The following GALNT18 variants were observed in gnomAD, a reference collection of about 807,000 sequenced individuals.
The protein encoded by GALNT18 is polypeptide N-acetylgalactosaminyltransferase 18.
GALNT18 carries 44 observed loss-of-function variants against 69.5 expected under a neutral mutation model. The ratio of observed to expected loss-of-function variants is 0.63; its 90% CI spans 0.50 to 0.81. GALNT18 has a LOEUF of 0.81. Ranked by LOEUF, GALNT18 falls within the 40% of genes least tolerant of loss-of-function variation. The pLI is 0.00. For missense variants in GALNT18, 715 were observed against 810.0 expected (o/e 0.88, Z 1.42); for synonymous variants, 364 against 318.2 (o/e 1.14, Z -1.53).
intron 1 of GALNT18, among the ~76,000 whole-genome samples, chr11:11,466,174 T>G (rs1443027790): frequency 6.6e-6 from 1 of 152,256 alleles, no homozygotes; most frequent in African/African-American, 2.4e-5. Context: ...GAAGGAATGC[T>G]GTTCATGACC....
Position 11,613,143 on chromosome 11 carries a change from T to C in GALNT18, c.235+8216A>G, listed in dbSNP as rs1859954597. 6.6e-6 allele frequency among the ~76,000 whole-genome samples: 1 copy of C among 152,220 alleles called. No homozygotes were observed. The highest frequency in any genetic ancestry group is 2.1e-4 in the South Asian group (1 of 4,832). On this transcript the variant is annotated intron_variant, in intron 1 of 10. Coordinates refer to ENST00000227756, the MANE Select transcript of GALNT18 (RefSeq NM_198516.3). This position sits in a 1 kb window ranked among gnomAD's most constrained non-coding sequence, Gnocchi z 4.2. ...CACTGGGACGAACTGTCTAGCAACA[T>C]ATTTTAATCCATAATCGTGTAGTCA...
rs1380316216 is a variant in GALNT18 at position 11,415,108 on chromosome 11, C to T, written c.595+17513G>A. Among the ~76,000 whole-genome samples, 1 of 152,226 alleles carries T rather than the reference C, an allele frequency of 6.6e-6. No homozygotes were observed. Among genetic ancestry groups the T allele is most frequent in the Non-Finnish European group, 1.5e-5 (1 of 68,042 alleles). ...TCCTTGCCGCATGGACAGTTCACAG[C>T]ATGGGTCTCTTCTCAGGCCACCAGA... On this transcript the variant is annotated intron_variant, in intron 3 of 10. Transcript: ENST00000227756. The surrounding 1 kb of genome is among the most constrained non-coding windows in gnomAD (Gnocchi z 4.1).
chr11:11,353,587 T>A (rs1227144598), intron 6 of GALNT18, among the ~76,000 whole-genome samples: 3 of 152,196 alleles, frequency 2.0e-5, no homozygotes, highest in Admixed American at 2.0e-4. Flanking sequence ...CTCTAATCAG[T>A]GGCTGTTTCT....
At position 11,379,169 on chromosome 11, in the gene GALNT18, G is replaced by C; in HGVS notation, c.691C>G (p.Leu231Val). The C allele has an allele frequency of 6.2e-7, 1 of 1,612,408 alleles. No homozygotes were observed. Among genetic ancestry groups the C allele is most frequent in the Non-Finnish European group, 8.5e-7 (1 of 1,180,018 alleles). The change falls in exon 4 of 11, where the codon CTC becomes GTC. Residue 231 changes from leucine (L) to valine (V), a missense_variant. By Grantham distance (32) the Leu-to-Val change is conservative (BLOSUM62 1). Coordinates refer to ENST00000227756, the MANE Select transcript of GALNT18 (RefSeq NM_198516.3). ...CAGCCACTGACCCTGGAGCGGATGA[G>C]GCCTTCCTGCTTGCTGTGACGCACG... ...KVVRHSKQEGLIRSRVSGWRA... is the reference protein window; with the variant it reads ...KVVRHSKQEGVIRSRVSGWRA...
chr11:11,278,512 A>T (rs920931163), intron 10 of GALNT18, among the ~76,000 whole-genome samples: 23 of 149,560 alleles, frequency 1.5e-4, no homozygotes, highest in East Asian at 3.9e-4. Flanking sequence ...TTATAGTATA[A>T]AAAAAAAAGG....
intron 1 of GALNT18, among the ~76,000 whole-genome samples, chr11:11,482,591 T>C (rs890176254): frequency 6.6e-6 from 1 of 152,170 alleles, no homozygotes; most frequent in African/African-American, 2.4e-5. Flanking sequence ...CCAGCTTGGA[T>C]TCCCATACAC....
intron 6 of GALNT18, among the ~76,000 whole-genome samples, chr11:11,360,066 A>C (rs1289203197): frequency 6.6e-6 from 1 of 152,192 alleles, no homozygotes; most frequent in Non-Finnish European, 1.5e-5. Flanking sequence ...CATATATATT[A>C]AGACCACATA....
At chr11:11,460,747 C>T (rs909473037) in intron 1 of GALNT18, among the ~76,000 whole-genome samples, 6 of 150,470 alleles carry the variant, frequency 4.0e-5, no homozygotes, top group Non-Finnish European at 7.4e-5. Flanking sequence ...CTTTGGACTT[C>T]GGTGTTGGTA....
chr11:11,423,052 A>G (rs1359637959), intron 3 of GALNT18, among the ~76,000 whole-genome samples: 1 of 152,168 alleles, frequency 6.6e-6, no homozygotes, highest in East Asian at 1.9e-4. Flanking sequence ...CTGCTTATGC[A>G]TGCACACTAC....
chr11:11,436,452 T>C lies in GALNT18; in HGVS notation c.429-3665A>G, dbSNP rs1440700853. 2.0e-5 allele frequency among the ~76,000 whole-genome samples: 3 copies of C among 151,932 alleles called. No homozygotes were observed. The highest frequency in any genetic ancestry group is 1.9e-4 in the East Asian group (1 of 5,146). On this transcript the variant is annotated intron_variant, in intron 2 of 10. Coordinates refer to ENST00000227756, the MANE Select transcript of GALNT18 (RefSeq NM_198516.3). This position sits in a 1 kb window ranked among gnomAD's most constrained non-coding sequence, Gnocchi z 4.5. Reference sequence around the variant, plus strand: ...TTCCCAGTTTCAGCACTGAAAGTCCTAGGCACACCAGGTCAGGCGGTCCCC... The same window carrying C: ...TTCCCAGTTTCAGCACTGAAAGTCCCAGGCACACCAGGTCAGGCGGTCCCC...
At chr11:11,395,516 A>C (rs554431134) in intron 3 of GALNT18, among the ~76,000 whole-genome samples, 1 of 152,336 alleles carries the variant, frequency 6.6e-6, no homozygotes, top group African/African-American at 2.4e-5. Context: ...AGAGCCTATA[A>C]GGATGGTGAG....
rs1031307705 is a variant in GALNT18, at chr11:11,271,087, A to G, written c.*57T>C. On this transcript the variant is annotated 3_prime_UTR_variant, in exon 11 of 11. Transcript: ENST00000227756. ...AACAACCCCACGTGGACAGCAGGCA[A>G]CGTTGCAGCAGGTGCTACACAGTAG... is the stretch of plus-strand genomic sequence containing the variant. 2.7e-5 allele frequency: 41 copies of G among 1,539,656 alleles called. No homozygotes were observed. Among genetic ancestry groups the G allele is most frequent in the Non-Finnish European group, 3.5e-5 (40 of 1,128,150 alleles).
At chr11:11,351,415 AG>A (rs1248983756) in intron 6 of GALNT18, among the ~76,000 whole-genome samples, 1 of 152,216 alleles carries the variant, frequency 6.6e-6, no homozygotes, top group African/African-American at 2.4e-5. Context: ...CTTACGCAAG[AG>A]GGAGCCAGCT....
intron 1 of GALNT18, among the ~76,000 whole-genome samples, chr11:11,514,059 G>A (rs891221526): frequency 2.0e-5 from 3 of 152,226 alleles, no homozygotes; most frequent in African/African-American, 7.2e-5. Context: ...GATTACAGAG[G>A]AGGAGGCTGG....
intron 2 of GALNT18, among the ~76,000 whole-genome samples, chr11:11,438,084 G>A (rs1033212936): frequency 2.0e-5 from 3 of 152,170 alleles, no homozygotes; most frequent in Admixed American, 6.5e-5. Flanking sequence ...CCCCAGGATC[G>A]GCACTGTCTT....
At chr11:11,462,884 GA>G (rs1856076526) in intron 1 of GALNT18, among the ~76,000 whole-genome samples, 2 of 152,100 alleles carry the variant, frequency 1.3e-5, no homozygotes, top group South Asian at 4.2e-4. Flanking sequence ...TGGCTCTGGG[GA>G]AAGGCAATCT....
chr11:11,306,771 T>G (rs1307776403), intron 9 of GALNT18, among the ~76,000 whole-genome samples: 1 of 152,256 alleles, frequency 6.6e-6, no homozygotes, highest in Non-Finnish European at 1.5e-5. Context: ...ATTTTTCCCA[T>G]CCTCGCATAC....
intron 1 of GALNT18, among the ~76,000 whole-genome samples, chr11:11,456,490 C>A (rs750751198): frequency 3.9e-5 from 6 of 152,188 alleles, no homozygotes; most frequent in Non-Finnish European, 8.8e-5. Context: ...ACCTCCAGGG[C>A]CCCCCTGCAA....
Position 11,598,668 on chromosome 11 carries a change from T to C in GALNT18, c.235+22691A>G, listed in dbSNP as rs1050096312. 1.3e-5 allele frequency among the ~76,000 whole-genome samples: 2 copies of C among 152,194 alleles called. No homozygotes were observed. Among genetic ancestry groups the C allele is most frequent in the Non-Finnish European group, 2.9e-5 (2 of 68,030 alleles). ...GAACATGGATATCTTTTGGAGAAAC[T>C]TTTGTCAACCTATCACAGCTAGGTA... On this transcript the variant is annotated intron_variant, in intron 1 of 10. Coordinates refer to ENST00000227756, the MANE Select transcript of GALNT18 (RefSeq NM_198516.3). This position sits in a 1 kb window ranked among gnomAD's most constrained non-coding sequence, Gnocchi z 4.8.
Sources: gnomAD v4.1 joint callset for allele counts (sites outside exome capture counted in the v4.1 genomes callset) on GRCh38, gnomAD v4.1.1 for gene constraint, Gnocchi (gnomAD v3.1) non-coding constraint, MANE v1.5 for transcripts, NCBI Gene and HGNC (gene_info 2026-07-23, HGNC 2026-07-21) for gene names.